GPHN: variants seen among roughly 807,000 people sequenced by gnomAD.
GPHN encodes the protein gephyrin.
Under a neutral mutation model 95.5 loss-of-function variants are expected in GPHN, and 17 were observed. The observed-to-expected ratio is 0.18, with a 90% confidence interval of 0.12 to 0.27. The LOEUF (loss-of-function observed/expected upper bound fraction) is 0.27. Ranked by LOEUF, GPHN falls within the 10% of genes least tolerant of loss-of-function variation. The probability of loss-of-function intolerance (pLI) is 1.00; values close to 1 mark genes in which losing one functional copy is unlikely to be tolerated. For synonymous variants in GPHN, 320 were observed against 322.5 expected, an observed-to-expected ratio of 0.99 and a Z score of 0.08; for missense variants, 660 against 978.1, an observed-to-expected ratio of 0.67 and a Z score of 4.34.
chr14:67,230,207 C>A, the GPHN span, among the ~76,000 whole-genome samples: 2 of 152,106 alleles, frequency 1.3e-5, no homozygotes, highest in Non-Finnish European at 2.9e-5. Context: ...TTGTATCTAG[C>A]AACACAATCC....
intron 9 of GPHN, among the ~76,000 whole-genome samples, chr14:66,999,374 C>T (rs2072060403): frequency 6.6e-6 from 1 of 151,862 alleles, no homozygotes; most frequent in Non-Finnish European, 1.5e-5. Flanking sequence ...TGTGAAGATA[C>T]ACCTATAAGA....
intron 3 of GPHN, among the ~76,000 whole-genome samples, chr14:66,792,617 T>A (rs558589132): frequency 8.6e-5 from 13 of 151,888 alleles, no homozygotes; most frequent in African/African-American, 1.4e-4. Flanking sequence ...TTACAGAAAA[T>A]TTTTAAAAGC....
the GPHN span, chr14:67,695,485 T>G: frequency 6.9e-6 from 5 of 725,172 alleles, no homozygotes; most frequent in East Asian, 1.5e-4. Context: ...CAGCTGGACC[T>G]CGCCTCCAAC....
chr14:67,583,953 G>A, the GPHN span: 11 of 1,612,534 alleles, frequency 6.8e-6, no homozygotes, highest in South Asian at 2.2e-5. Context: ...AAGACACGTC[G>A]GCACTTCATT....
At chr14:66,812,012 G>A (rs1214648013) in intron 3 of GPHN, among the ~76,000 whole-genome samples, 1 of 152,194 alleles carries the variant, frequency 6.6e-6, no homozygotes, top group Non-Finnish European at 1.5e-5. Context: ...CTGAGAGTAG[G>A]CCCCAATCTG....
intron 1 of GPHN, among the ~76,000 whole-genome samples, chr14:66,599,897 A>G (rs1457013380): frequency 1.3e-5 from 2 of 152,034 alleles, no homozygotes; most frequent in Non-Finnish European, 2.9e-5. Context: ...CTTAATTTCT[A>G]TGTAAACGTT....
intron 3 of GPHN, among the ~76,000 whole-genome samples, chr14:66,794,500 A>G (rs1293908738): frequency 6.6e-6 from 1 of 152,248 alleles, no homozygotes; most frequent in African/African-American, 2.4e-5. Context: ...GAGAATGGAC[A>G]AATACACATG....
the GPHN span, chr14:67,208,103 G>T: frequency 6.6e-7 from 1 of 1,511,798 alleles, no homozygotes; most frequent in South Asian, 1.3e-5. Flanking sequence ...GCTCAGTGAC[G>T]ATGAATGAAA....
intron 8 of GPHN, among the ~76,000 whole-genome samples, chr14:66,956,760 T>C (rs1323962131): frequency 2.0e-5 from 3 of 152,246 alleles, no homozygotes; most frequent in East Asian, 1.9e-4. Flanking sequence ...GTGGCACATA[T>C]ACACCATGGA....
intron 4 of GPHN, among the ~76,000 whole-genome samples, chr14:66,846,405 T>C: frequency 6.6e-6 from 1 of 152,124 alleles, no homozygotes; most frequent in East Asian, 1.9e-4. Context: ...AAAACGTGGC[T>C]CTTAAGGTGC....
At chr14:66,990,130 G>C (rs1254557749) in intron 9 of GPHN, among the ~76,000 whole-genome samples, 3 of 152,154 alleles carry the variant, frequency 2.0e-5, no homozygotes, top group Non-Finnish European at 4.4e-5. Context: ...ATGGCGGCAG[G>C]AGGGGAGAGA....
intron 1 of GPHN, among the ~76,000 whole-genome samples, 166 bp downstream of exon 1, chr14:66,508,757 G>A (rs1216687894): frequency 6.6e-6 from 1 of 152,156 alleles, no homozygotes; most frequent in Admixed American, 6.5e-5. Context: ...GAGATTGGGG[G>A]TGTTCCCGCG....
At chr14:67,118,578 A>T (rs1438362271) in intron 16 of GPHN, among the ~76,000 whole-genome samples, 1 of 152,054 alleles carries the variant, frequency 6.6e-6, no homozygotes, top group Non-Finnish European at 1.5e-5. Flanking sequence ...ATACAAAAAA[A>T]TTAGCCGGGT....
chr14:67,621,812 A>G, the GPHN span, among the ~76,000 whole-genome samples: 1 of 151,528 alleles, frequency 6.6e-6, no homozygotes, highest in East Asian at 2.0e-4. Flanking sequence ...GAATACCTTT[A>G]TAAGCAGGGT....
the GPHN span, chr14:67,615,867 TG>T: frequency 1.6e-6 from 1 of 616,644 alleles, no homozygotes; most frequent in South Asian, 1.6e-5. Flanking sequence ...GCGAAGAAAC[TG>T]GGAGGGATGT....
At chr14:67,299,222 T>A in the GPHN span, among the ~76,000 whole-genome samples, 72 of 152,324 alleles carry the variant, frequency 4.7e-4, no homozygotes, top group South Asian at 4.1e-3. Context: ...TCCGGTTAGA[T>A]CTTATTTCCA....
chr14:67,364,241 CAT>C, the GPHN span: 3 of 152,248 alleles, frequency 2.0e-5, no homozygotes, highest in East Asian at 1.9e-4. Context: ...GTTGTTTTGA[CAT>C]GTGACACTGT....
At chr14:66,941,797 T>G (rs1461239002) in intron 8 of GPHN, among the ~76,000 whole-genome samples, 4 of 152,008 alleles carry the variant, frequency 2.6e-5, no homozygotes, top group Admixed American at 6.6e-5. Flanking sequence ...TCACAGATAC[T>G]TTCCAAATTC....
the GPHN span, among the ~76,000 whole-genome samples, chr14:67,639,475 T>A: frequency 2.7e-4 from 41 of 152,296 alleles, no homozygotes; most frequent in African/African-American, 9.1e-4. Context: ...AGATTATAAA[T>A]CTTTTATAAT....
Sources: gnomAD v4.1 joint callset for allele counts (sites outside exome capture counted in the v4.1 genomes callset) on GRCh38, gnomAD v4.1.1 for gene constraint, MANE v1.5 for transcripts, NCBI Gene and HGNC (gene_info 2026-07-23, HGNC 2026-07-21) for gene names.